Variants in SLC25A26 observed in about 807,000 individuals in gnomAD.
The protein encoded by SLC25A26 is mitochondrial S-adenosylmethionine carrier protein.
A neutral mutation model predicts 37.8 loss-of-function variants in SLC25A26; 36 were observed. The ratio of observed to expected loss-of-function variants is 0.95; its 90% CI spans 0.73 to 1.26. The LOEUF (loss-of-function observed/expected upper bound fraction) is 1.26. Ranked by LOEUF, SLC25A26 falls within the 50% of genes most tolerant of loss-of-function variation. The probability of loss-of-function intolerance (pLI) is 0.00; values close to 1 mark genes in which losing one functional copy is unlikely to be tolerated. For synonymous variants in SLC25A26, 129 were observed against 122.5 expected, an observed-to-expected ratio of 1.05 and a Z score of -0.35; for missense variants, 390 against 331.1, an observed-to-expected ratio of 1.18 and a Z score of -1.38.
chr3:66,223,641 A>G (rs782184526), intron 1 of SLC25A26, among the ~76,000 whole-genome samples: 4 of 152,188 alleles, frequency 2.6e-5, no homozygotes, highest in Non-Finnish European at 5.9e-5. Context: ...TGAAAAGCCT[A>G]GATGATTGCT....
chr3:66,210,976 A>T (rs1687834996), intron 1 of SLC25A26, among the ~76,000 whole-genome samples: 2 of 152,238 alleles, frequency 1.3e-5, no homozygotes, highest in African/African-American at 4.8e-5. Flanking sequence ...AATAGCACAG[A>T]ACTAAAAATT....
At chr3:66,371,409 A>C in intron 9 of SLC25A26, 2 of 1,493,006 alleles carry the variant, frequency 1.3e-6, no homozygotes, top group Non-Finnish European at 1.8e-6. Context: ...GAGGACATGA[A>C]GTAGGTGAGT....
intron 5 of SLC25A26, among the ~76,000 whole-genome samples, chr3:66,319,459 A>G (rs568953296): frequency 4.6e-5 from 7 of 152,248 alleles, no homozygotes; most frequent in Admixed American, 3.9e-4. Context: ...TATTTTTCTT[A>G]TGACTGGGGG....
In SLC25A26 at chr3:66,343,051, G is replaced by A. The variant is rs368349564; in HGVS notation, c.454-3313G>A. 3.3e-5 allele frequency among the ~76,000 whole-genome samples: 5 copies of A among 152,170 alleles called. No homozygotes were observed. In the East Asian group the frequency reaches 9.6e-4, roughly 29 times the overall value. ...ATCTATAAAACATTTTAGAATAACA[G>A]CCTACATCTGTTTGGGGGTATAAAA... On this transcript the variant is annotated intron_variant, in intron 5 of 9. Transcript: ENST00000354883.
At chr3:66,201,162 A>G (rs1259589568) in intron 1 of SLC25A26, among the ~76,000 whole-genome samples, 3 of 151,944 alleles carry the variant, frequency 2.0e-5, no homozygotes, top group Non-Finnish European at 4.4e-5. Context: ...AATGAGGCAA[A>G]TAAGTTAAGA....
chr3:66,169,262 T>C (rs915741740), intron 1 of SLC25A26, among the ~76,000 whole-genome samples: 5 of 152,322 alleles, frequency 3.3e-5, no homozygotes, highest in African/African-American at 4.8e-5. Flanking sequence ...AAATTAAATA[T>C]CCAGAAACTG....
intron 5 of SLC25A26, among the ~76,000 whole-genome samples, chr3:66,307,896 T>C (rs1199298162): frequency 6.6e-6 from 1 of 152,218 alleles, no homozygotes; most frequent in Admixed American, 6.5e-5. Flanking sequence ...TGTTTAGGGT[T>C]GCTGTAGCCT....
intron 1 of SLC25A26, among the ~76,000 whole-genome samples, chr3:66,232,797 G>C (rs1419038834): frequency 6.6e-6 from 1 of 152,264 alleles, no homozygotes; most frequent in Non-Finnish European, 1.5e-5. Context: ...CTGTTGGAAA[G>C]TTTGGAAGAT....
intron 5 of SLC25A26, among the ~76,000 whole-genome samples, chr3:66,343,112 C>T (rs1333099901): frequency 1.3e-5 from 2 of 152,186 alleles, no homozygotes; most frequent in Admixed American, 6.5e-5. Context: ...TGTTATGTAA[C>T]TTCAAGCCAG....
At chr3:66,247,576 G>A (rs373731507) in intron 3 of SLC25A26, among the ~76,000 whole-genome samples, 1 of 152,192 alleles carries the variant, frequency 6.6e-6, no homozygotes, top group Non-Finnish European at 1.5e-5. Context: ...CTTCCAAAGT[G>A]CTGTAATCCA....
chr3:66,356,578 T>C (rs2076580355), intron 6 of SLC25A26, among the ~76,000 whole-genome samples: 1 of 152,214 alleles, frequency 6.6e-6, no homozygotes, highest in African/African-American at 2.4e-5. Context: ...ATCTCAGTCT[T>C]GTGCTTTGAT....
chr3:66,246,340 G>C (rs1036742924), intron 3 of SLC25A26, among the ~76,000 whole-genome samples: 2 of 152,148 alleles, frequency 1.3e-5, no homozygotes, highest in Non-Finnish European at 2.9e-5. Flanking sequence ...TGAAGGGCAG[G>C]CTTTCCTCAG....
intron 5 of SLC25A26, among the ~76,000 whole-genome samples, chr3:66,298,063 G>A (rs571476562): frequency 6.6e-6 from 1 of 152,290 alleles, no homozygotes; most frequent in East Asian, 1.9e-4. Context: ...TGCTAGAAAT[G>A]CAGAATCTAA....
chr3:66,150,984 A>G (rs1375555354), intron 1 of SLC25A26, among the ~76,000 whole-genome samples: 1 of 151,906 alleles, frequency 6.6e-6, no homozygotes, highest in East Asian at 1.9e-4. Flanking sequence ...GCACTGTGCT[A>G]TGTACTTACA....
At chr3:66,231,859 A>T (rs891680551) in intron 1 of SLC25A26, among the ~76,000 whole-genome samples, 1 of 150,792 alleles carries the variant, frequency 6.6e-6, no homozygotes, top group East Asian at 1.9e-4. Context: ...GCAACCTCAA[A>T]CTCCTGGGCC....
At chr3:66,296,724 T>A (rs2074914422) in intron 5 of SLC25A26, among the ~76,000 whole-genome samples, 1 of 152,244 alleles carries the variant, frequency 6.6e-6, no homozygotes, top group South Asian at 2.1e-4. Context: ...AACAGAAGCA[T>A]TGTTTTTAAC....
intron 5 of SLC25A26, among the ~76,000 whole-genome samples, chr3:66,339,958 C>G (rs1008863596): frequency 7.9e-5 from 12 of 151,972 alleles, no homozygotes; most frequent in African/African-American, 2.9e-4. Flanking sequence ...AAGATTTTCC[C>G]TGTGTTTTCT....
At chr3:66,213,399 CAAAAAAAAAAAA>C (rs1169648803) in intron 1 of SLC25A26, among the ~76,000 whole-genome samples, 18 of 28,828 alleles carry the variant, frequency 6.2e-4, no homozygotes, top group Non-Finnish European at 7.7e-4. Context: ...GACTCTGTCT[CAAAAAAAAAAAA>C]AAAAAAAAAA....
chr3:66,181,999 GT>G (rs1230554264), intron 1 of SLC25A26, among the ~76,000 whole-genome samples: 1 of 152,072 alleles, frequency 6.6e-6, no homozygotes, highest in African/African-American at 2.4e-5. Flanking sequence ...GCCTTGCCTT[GT>G]TTTAGCTCAA....
Sources: gnomAD v4.1 joint callset for allele counts (sites outside exome capture counted in the v4.1 genomes callset) on GRCh38, gnomAD v4.1.1 for gene constraint, MANE v1.5 for transcripts, NCBI Gene and HGNC (gene_info 2026-07-23, HGNC 2026-07-21) for gene names.